The following ZPBP variants were observed in gnomAD, a reference collection of about 807,000 sequenced individuals.
ZPBP encodes the protein zona pellucida binding protein.
A neutral mutation model predicts 44.8 loss-of-function variants in ZPBP; 26 were observed. The observed-to-expected ratio is 0.58, with a 90% CI of 0.43 to 0.81. The LOEUF is 0.81. ZPBP is among the 30% of genes least tolerant of loss of function. ZPBP has a pLI of 0.00. For synonymous variants in ZPBP, 174 were observed against 153.2 expected, an observed-to-expected ratio of 1.14 and a Z score of -1.00; for missense variants, 409 against 434.0, an observed-to-expected ratio of 0.94 and a Z score of 0.51.
At chr7:50,017,378 G>A (rs757770789) in intron 6 of ZPBP, among the ~76,000 whole-genome samples, 4 of 152,106 alleles carry the variant, frequency 2.6e-5, no homozygotes, top group Admixed American at 6.6e-5. Context: ...TAATACAAGC[G>A]ATGGGGATGG....
rs563844998 is a variant in ZPBP at position 49,996,822 on chromosome 7, G to A, written c.784-13303C>T. On this transcript the variant is annotated intron_variant, in intron 6 of 7. Coordinates refer to ENST00000046087, the MANE Select transcript of ZPBP (RefSeq NM_007009.3). ...CATCATTAACTAGACAATGCCATACGTCTGCATATGTCAGACTATGCTGAT... is the reference window on the plus strand; with the variant it reads ...CATCATTAACTAGACAATGCCATACATCTGCATATGTCAGACTATGCTGAT... Among the ~76,000 whole-genome samples, 11 of 152,266 alleles carry A rather than the reference G, an allele frequency of 7.2e-5. No homozygotes were observed. The South Asian group carries it at 1.2e-3, about 17-fold the overall frequency.
At chr7:50,008,065 G>A (rs190270081) in intron 6 of ZPBP, among the ~76,000 whole-genome samples, 36 of 151,882 alleles carry the variant, frequency 2.4e-4, no homozygotes, top group Admixed American at 2.2e-3. Flanking sequence ...AAACTATATA[G>A]GAAAAAATAA....
intron 3 of ZPBP, among the ~76,000 whole-genome samples, chr7:50,069,844 G>T (rs535498649): frequency 1.8e-4 from 28 of 151,992 alleles, no homozygotes; most frequent in East Asian, 1.9e-4. Context: ...CTGCGGCTAC[G>T]AAGCTGGTCC....
intron 5 of ZPBP, among the ~76,000 whole-genome samples, chr7:50,019,242 T>C (rs533845717): frequency 6.6e-6 from 1 of 152,134 alleles, no homozygotes; most frequent in Non-Finnish European, 1.5e-5. Flanking sequence ...AATTTTGTTT[T>C]TCCCATAACT....
At position 49,977,264 on chromosome 7, in the gene ZPBP, G is replaced by C. The variant is rs544490024; in HGVS notation, c.961+6078C>G. On this transcript the variant is annotated intron_variant, in intron 7 of 7. Coordinates refer to ENST00000046087, the MANE Select transcript of ZPBP (RefSeq NM_007009.3). Reference sequence around the variant, plus strand: ...TATAATGATTCAAAATAAGAACAATGTCTTTGTGGGTCGAAAAGGCGGATG... The same window carrying C: ...TATAATGATTCAAAATAAGAACAATCTCTTTGTGGGTCGAAAAGGCGGATG... Among the ~76,000 whole-genome samples the C allele has an allele frequency of 9.2e-5, 14 of 152,140 alleles. No homozygotes were observed. The South Asian group carries it at 2.9e-3, about 32-fold the overall frequency.
chr7:49,899,763 C>T (rs1016267680), intron 2 of ZPBP, among the ~76,000 whole-genome samples: 6 of 151,794 alleles, frequency 4.0e-5, no homozygotes, highest in South Asian at 2.1e-4. Context: ...TGTATAGATT[C>T]GGGAAGCTGA....
At chr7:49,907,448 A>G (rs896932836) in intron 1 of ZPBP, among the ~76,000 whole-genome samples, 3 of 152,226 alleles carry the variant, frequency 2.0e-5, no homozygotes, top group East Asian at 1.9e-4. Flanking sequence ...TTTAAATTAC[A>G]TAACAGTAGG....
chr7:50,079,727 T>C (rs1802271654), intron 3 of ZPBP, among the ~76,000 whole-genome samples: 1 of 151,626 alleles, frequency 6.6e-6, no homozygotes. Flanking sequence ...ACACACAAAA[T>C]GGCAACTATG....
At chr7:49,894,605 G>A (rs1792290232) in intron 2 of ZPBP, among the ~76,000 whole-genome samples, 1 of 152,204 alleles carries the variant, frequency 6.6e-6, no homozygotes, top group South Asian at 2.1e-4. Context: ...CTAGCTCTGT[G>A]CTGCATGCAG....
chr7:49,862,075 G>A (rs991012860), intron 2 of ZPBP, among the ~76,000 whole-genome samples: 22 of 152,244 alleles, frequency 1.4e-4, no homozygotes, highest in Middle Eastern at 3.4e-3. Context: ...GGGAAGTACT[G>A]CCATCCTGAC....
At chr7:50,018,377 G>A (rs1798924710) in intron 5 of ZPBP, 61 bp from the exon 6 acceptor site, 1 of 1,304,494 alleles carries the variant, frequency 7.7e-7, no homozygotes, top group Non-Finnish European at 1.1e-6. Flanking sequence ...TATTTAAATT[G>A]GATTTTGAAA....
At chr7:49,851,876 A>G (rs952780352) in intron 2 of ZPBP, among the ~76,000 whole-genome samples, 4 of 151,788 alleles carry the variant, frequency 2.6e-5, no homozygotes, top group African/African-American at 7.3e-5. Flanking sequence ...AAAGTCCACT[A>G]CAAAATGGCC....
chr7:49,901,544 G>T (rs913985628), intron 1 of ZPBP, among the ~76,000 whole-genome samples: 5 of 151,606 alleles, frequency 3.3e-5, no homozygotes, highest in Admixed American at 6.6e-5. Flanking sequence ...AATTATGATA[G>T]AAAAAATCAT....
chr7:49,978,066 TG>T (rs1562815127), intron 7 of ZPBP, among the ~76,000 whole-genome samples: 19 of 125,248 alleles, frequency 1.5e-4, no homozygotes, highest in African/African-American at 4.7e-4. Flanking sequence ...CAAGTTTGTT[TG>T]TTTTTGGTTT....
At chr7:49,964,466 T>C (rs1795982377) in intron 7 of ZPBP, among the ~76,000 whole-genome samples, 2 of 152,056 alleles carry the variant, frequency 1.3e-5, no homozygotes. Flanking sequence ...AAATACATTT[T>C]ACATTTTTAT....
intron 3 of ZPBP, among the ~76,000 whole-genome samples, chr7:50,078,133 C>T (rs1452155230): frequency 6.6e-6 from 1 of 151,582 alleles, no homozygotes; most frequent in Non-Finnish European, 1.5e-5. Context: ...GCGAAATAAG[C>T]AGTCATAAGA....
At chr7:49,893,970 C>G (rs1792255922) in intron 2 of ZPBP, among the ~76,000 whole-genome samples, 1 of 152,144 alleles carries the variant, frequency 6.6e-6, no homozygotes, top group South Asian at 2.1e-4. Flanking sequence ...CTGCTGGGCT[C>G]TCACTGCTTG....
At position 49,871,696 on chromosome 7, in the gene ZPBP, G is replaced by A. The variant is rs568095889; in HGVS notation, n.510-21182C>T. Among the ~76,000 whole-genome samples the A allele has an allele frequency of 4.6e-5, 7 of 152,168 alleles. No homozygotes were observed. The South Asian group carries it at 1.5e-3, about 32-fold the overall frequency. ...GATGATACTGTTGTTCTGTGCAAAT[G>A]TTGGGCAGGGGATTTAGATCAGGTA... On this transcript the variant is annotated intron_variant and non_coding_transcript_variant, in intron 2 of 2. Coordinates refer to the ZPBP transcript ENST00000465922.
chr7:49,882,509 A>G (rs942214762), intron 2 of ZPBP, among the ~76,000 whole-genome samples: 9 of 152,166 alleles, frequency 5.9e-5, no homozygotes, highest in Non-Finnish European at 1.3e-4. Flanking sequence ...AAGGAGAGAC[A>G]GAGAAAAAGA....
Sources: allele counts gnomAD v4.1 joint callset (sites outside exome capture counted in the v4.1 genomes callset), GRCh38; gene constraint gnomAD v4.1.1; transcripts MANE v1.5; gene names NCBI Gene and HGNC (gene_info 2026-07-23, HGNC 2026-07-21).